Variants in SPATA13 observed in about 807,000 individuals in gnomAD.
SPATA13 encodes the protein spermatogenesis-associated protein 13.
A neutral mutation model predicts 104.0 loss-of-function variants in SPATA13; 50 were observed. That is an observed-to-expected ratio of 0.48 (90% CI 0.38 to 0.61). SPATA13 has a LOEUF of 0.61. Ranked by LOEUF, SPATA13 falls within the 20% of genes least tolerant of loss-of-function variation. The probability of loss-of-function intolerance (pLI) is 0.00; values close to 1 mark genes in which losing one functional copy is unlikely to be tolerated. For missense variants in SPATA13, 1,524 were observed against 1,690.6 expected (o/e 0.90, Z 1.73); for synonymous variants, 606 against 667.5 (o/e 0.91, Z 1.42).
intron 3 of SPATA13, among the ~76,000 whole-genome samples, chr13:24,068,279 A>G (rs1879037549): frequency 6.6e-6 from 1 of 152,064 alleles, no homozygotes; most frequent in Admixed American, 6.5e-5. Context: ...TGTTCCTGCT[A>G]GTTTGCTAAG....
rs2138528168 is a variant in SPATA13, at chr13:24,183,311, C to T, written c.-112+22379C>T. ...CTTGAGGATAGACATCATCCTTTAT[C>T]ACTTCCCTCTGTAAAACCACCATCA... On this transcript the variant is annotated intron_variant, in intron 1 of 12. Transcript: ENST00000382108. 2.0e-5 allele frequency among the ~76,000 whole-genome samples: 3 copies of T among 152,320 alleles called. 1 individual carries two copies. Among genetic ancestry groups the T allele is most frequent in the Middle Eastern group, 6.8e-3 (2 of 294 alleles).
chr13:23,998,767 A>C (rs1178623654), intron 2 of SPATA13, among the ~76,000 whole-genome samples: 1 of 152,110 alleles, frequency 6.6e-6, no homozygotes. Flanking sequence ...TGAGATATGG[A>C]TTCAGGTTCA....
At chr13:24,177,207 C>G (rs1555266546) in intron 1 of SPATA13, among the ~76,000 whole-genome samples, 24 of 152,212 alleles carry the variant, frequency 1.6e-4, no homozygotes, top group Non-Finnish European at 1.5e-5. Flanking sequence ...TTCTCTGACT[C>G]AGTTACTTTT....
chr13:24,086,646 A>G (rs1879732083), intron 3 of SPATA13, among the ~76,000 whole-genome samples: 2 of 152,168 alleles, frequency 1.3e-5, no homozygotes, highest in Non-Finnish European at 2.9e-5. Context: ...AATGCCACAG[A>G]AGACACAGTT....
At chr13:24,044,894 G>GC in intron 3 of SPATA13, among the ~76,000 whole-genome samples, 1 of 147,022 alleles carries the variant, frequency 6.8e-6, no homozygotes, top group African/African-American at 2.5e-5. Flanking sequence ...GGAGGGGGTG[G>GC]GGGTGGGGGT....
intron 3 of SPATA13, among the ~76,000 whole-genome samples, chr13:24,061,360 T>G (rs2137754539): frequency 6.6e-6 from 1 of 152,310 alleles, no homozygotes; most frequent in Non-Finnish European, 1.5e-5. Context: ...ATAATCCCAT[T>G]ACTGGTTATA....
chr13:24,173,362 TTGTGTG>T (rs60850610), intron 1 of SPATA13, among the ~76,000 whole-genome samples: 42,825 of 146,572 alleles, frequency 0.29, 6,545 homozygotes, highest in East Asian at 0.53. Flanking sequence ...TAGTTCTTAG[TTGTGTG>T]TGTGTGTGTG....
intron 3 of SPATA13, among the ~76,000 whole-genome samples, chr13:24,150,617 A>T (rs927413147): frequency 3.3e-5 from 5 of 152,184 alleles, no homozygotes; most frequent in Admixed American, 6.5e-5. Flanking sequence ...TAAGTAGGCC[A>T]GTAGGCTGGA....
rs1442448878 is a variant in SPATA13, at chr13:24,286,989, A to G, written c.2667+39A>G. The G allele has an allele frequency of 6.4e-7, 1 of 1,563,742 alleles. No individual in the cohort carries two copies. The highest frequency in any genetic ancestry group is 8.7e-7 in the Non-Finnish European group (1 of 1,144,452). On this transcript the variant is annotated intron_variant, in intron 7 of 12. Coordinates refer to ENST00000382108, the MANE Select transcript of SPATA13 (RefSeq NM_001166271.3). This position sits in a 1 kb window ranked among gnomAD's most constrained non-coding sequence, Gnocchi z 4.9. ...CTGGGACCTCACTGAGGGTCACAGTATGAGGCTGCATGAGGTGCCTGGGCT... is the reference window on the plus strand; with the variant it reads ...CTGGGACCTCACTGAGGGTCACAGTGTGAGGCTGCATGAGGTGCCTGGGCT...
intron 2 of SPATA13, among the ~76,000 whole-genome samples, chr13:23,987,514 C>T (rs1875209117): frequency 6.6e-6 from 1 of 152,084 alleles, no homozygotes; most frequent in Non-Finnish European, 1.5e-5. Flanking sequence ...TATATTTAGC[C>T]AACATAGGCA....
intron 3 of SPATA13, among the ~76,000 whole-genome samples, chr13:24,142,849 T>G (rs953298763): frequency 6.6e-6 from 1 of 152,014 alleles, no homozygotes; most frequent in Non-Finnish European, 1.5e-5. Flanking sequence ...CTTGGAAGAG[T>G]GTTTCCCTTC....
intron 1 of SPATA13, among the ~76,000 whole-genome samples, chr13:24,181,078 A>G (rs1325645038): frequency 6.6e-6 from 1 of 152,196 alleles, no homozygotes; most frequent in African/African-American, 2.4e-5. Context: ...ACAGAAAAAT[A>G]CGGTATAAAA....
At chr13:24,000,512 C>T (rs2137671676) in intron 2 of SPATA13, among the ~76,000 whole-genome samples, 1 of 152,250 alleles carries the variant, frequency 6.6e-6, no homozygotes, top group Non-Finnish European at 1.5e-5. Context: ...ATCCCCAAAC[C>T]TGCCTTCTAG....
intron 3 of SPATA13, among the ~76,000 whole-genome samples, chr13:24,104,132 G>A (rs1262398938): frequency 3.9e-5 from 6 of 152,062 alleles, no homozygotes; most frequent in Non-Finnish European, 8.8e-5. Context: ...GAGAATGTCC[G>A]TGTCAGTCTG....
chr13:23,993,897 G>A (rs951947703), intron 2 of SPATA13, among the ~76,000 whole-genome samples: 1 of 151,968 alleles, frequency 6.6e-6, no homozygotes, highest in Non-Finnish European at 1.5e-5. Flanking sequence ...TTCAAGGTAT[G>A]TGTGAGGGTG....
At chr13:24,238,593 C>T (rs955879464) in intron 2 of SPATA13, among the ~76,000 whole-genome samples, 1 of 152,132 alleles carries the variant, frequency 6.6e-6, no homozygotes, top group African/African-American at 2.4e-5. Context: ...CCTTGGACTC[C>T]AGGGTGACTC....
intron 3 of SPATA13, among the ~76,000 whole-genome samples, chr13:24,081,666 T>A (rs2137778487): frequency 6.6e-6 from 1 of 152,008 alleles, no homozygotes; most frequent in Middle Eastern, 3.4e-3. Context: ...AGCACAAGAC[T>A]CTCTGTCTCT....
intron 3 of SPATA13, among the ~76,000 whole-genome samples, chr13:24,056,154 A>C (rs1017487169): frequency 1.3e-5 from 2 of 152,254 alleles, no homozygotes; most frequent in Admixed American, 6.5e-5. Flanking sequence ...ATGTTGAAAC[A>C]GTTGAATAGA....
At chr13:24,014,156 C>G (rs900387245) in intron 2 of SPATA13, among the ~76,000 whole-genome samples, 2 of 152,146 alleles carry the variant, frequency 1.3e-5, no homozygotes, top group African/African-American at 2.4e-5. Context: ...CAGGGAAGGT[C>G]GGGGCCCAGC....
Sources: allele counts gnomAD v4.1 joint callset (sites outside exome capture counted in the v4.1 genomes callset), GRCh38; gene constraint gnomAD v4.1.1; non-coding constraint Gnocchi (gnomAD v3.1); transcripts MANE v1.5; gene names NCBI Gene and HGNC (gene_info 2026-07-23, HGNC 2026-07-21).